The following DAB1 variants were observed in gnomAD, a reference collection of about 807,000 sequenced individuals.
DAB1 encodes the protein DAB adaptor protein 1.
Under a neutral mutation model 64.6 loss-of-function variants are expected in DAB1, and 15 were observed. That is an observed-to-expected ratio of 0.23 (90% CI 0.16 to 0.36). The LOEUF (loss-of-function observed/expected upper bound fraction) is 0.36. Among genes scored for constraint, DAB1 ranks in the 10% least tolerant of loss-of-function variants. The pLI is 1.00. For missense variants in DAB1, 596 were observed against 706.7 expected, an observed-to-expected ratio of 0.84 and a Z score of 1.78; for synonymous variants, 235 against 251.9, an observed-to-expected ratio of 0.93 and a Z score of 0.64.
intron 4 of DAB1, among the ~76,000 whole-genome samples, chr1:58,285,885 T>C (rs1661668374): frequency 6.6e-6 from 1 of 152,178 alleles, no homozygotes; most frequent in South Asian, 2.1e-4. Flanking sequence ...AGAGCAAAGC[T>C]GGAGGCACCA....
At chr1:57,168,056 T>C (rs1661369701) in intron 2 of DAB1, among the ~76,000 whole-genome samples, 2 of 152,184 alleles carry the variant, frequency 1.3e-5, no homozygotes, top group Non-Finnish European at 2.9e-5. Flanking sequence ...TTCTAAAATG[T>C]CGTAACAGTC....
At chr1:57,774,881 G>A (rs1025629207) in intron 6 of DAB1, among the ~76,000 whole-genome samples, 2 of 151,648 alleles carry the variant, frequency 1.3e-5, no homozygotes, top group Non-Finnish European at 3.0e-5. Context: ...ATTTGCTAAT[G>A]AGGCCATCTG....
At chr1:57,990,934 C>A (rs1646328488) in intron 5 of DAB1, among the ~76,000 whole-genome samples, 1 of 152,188 alleles carries the variant, frequency 6.6e-6, no homozygotes, top group Non-Finnish European at 1.5e-5. Flanking sequence ...GGAGTCATAG[C>A]ACTCTTCCAG....
At chr1:58,048,890 T>C in intron 5 of DAB1, 1 of 917,976 alleles carries the variant, frequency 1.1e-6, no homozygotes, top group Non-Finnish European at 1.8e-6. Context: ...CAGTCATGAT[T>C]TCAATCACTT....
At position 57,010,738 on chromosome 1, in the gene DAB1, C is replaced by T; in HGVS notation, c.1625G>A (p.Gly542Glu). 6.3e-7 allele frequency: 1 copy of T among 1,599,280 alleles called. No individual in the cohort carries two copies. Among genetic ancestry groups the T allele is most frequent in the Non-Finnish European group, 8.5e-7 (1 of 1,170,366 alleles). Residue 542 changes from glycine (G) to glutamate (E), a missense_variant, in exon 14 of 15, where the codon GGG becomes GAG. Coordinates refer to ENST00000371236, the MANE Select transcript of DAB1 (RefSeq NM_001365792.1). ...SNSDPFGEPS[G>E]EPSGDNISPQ... ...ACTTATATTATCACCACTGGGCTCC[C>T]CACTGGGCTCACCAAATGGATCACT...
At chr1:57,273,073 G>A (rs1671141675) in intron 2 of DAB1, among the ~76,000 whole-genome samples, 1 of 152,138 alleles carries the variant, frequency 6.6e-6, no homozygotes, top group Admixed American at 6.5e-5. Context: ...ACTTCTATTT[G>A]CACCACCTTT....
intron 1 of DAB1, among the ~76,000 whole-genome samples, chr1:57,347,439 A>G (rs1678205597): frequency 6.6e-6 from 1 of 152,190 alleles, no homozygotes; most frequent in Non-Finnish European, 1.5e-5. Context: ...CTAAGATTCT[A>G]ATGGTATGAA....
chr1:58,171,570 T>C (rs1211650044), intron 4 of DAB1, among the ~76,000 whole-genome samples: 1 of 152,228 alleles, frequency 6.6e-6, no homozygotes, highest in Non-Finnish European at 1.5e-5. Context: ...GTTCTGGACC[T>C]CAAGGATGCC....
chr1:57,687,312 A>G (rs547704025), intron 6 of DAB1, among the ~76,000 whole-genome samples: 12 of 152,094 alleles, frequency 7.9e-5, no homozygotes, highest in Admixed American at 3.3e-4. Context: ...AGTGGAAATA[A>G]CTAGGAATAC....
chr1:57,231,639 T>A (rs1400557869), intron 2 of DAB1, among the ~76,000 whole-genome samples: 1 of 152,224 alleles, frequency 6.6e-6, no homozygotes, highest in Non-Finnish European at 1.5e-5. Flanking sequence ...TATTATTAAC[T>A]GCATATTAAA....
chr1:58,127,313 T>C (rs954791520), intron 5 of DAB1, among the ~76,000 whole-genome samples: 1 of 152,178 alleles, frequency 6.6e-6, no homozygotes, highest in African/African-American at 2.4e-5. Context: ...GTTGTTTGTT[T>C]TTTTCCTGCA....
At chr1:57,712,709 T>C (rs1450018177) in intron 6 of DAB1, among the ~76,000 whole-genome samples, 1 of 152,130 alleles carries the variant, frequency 6.6e-6, no homozygotes, top group African/African-American at 2.4e-5. Context: ...TTTATTTGAA[T>C]TGTGAAGGAG....
chr1:57,360,987 A>T (rs1679501445), intron 1 of DAB1, among the ~76,000 whole-genome samples: 1 of 152,138 alleles, frequency 6.6e-6, no homozygotes, highest in South Asian at 2.1e-4. Flanking sequence ...GCAGCCTTCC[A>T]GAAATGTCCA....
intron 4 of DAB1, among the ~76,000 whole-genome samples, chr1:58,289,030 TA>T (rs1320875408): frequency 6.6e-6 from 1 of 152,192 alleles, no homozygotes; most frequent in African/African-American, 2.4e-5. Flanking sequence ...CACTTAGACA[TA>T]ATAATGCTAT....
At chr1:57,813,283 C>A (rs1004526794) in intron 6 of DAB1, among the ~76,000 whole-genome samples, 7 of 152,046 alleles carry the variant, frequency 4.6e-5, no homozygotes, top group Non-Finnish European at 7.4e-5. Flanking sequence ...TCTTAAGAAC[C>A]AATATAGAAC....
chr1:57,238,421 C>A (rs1172128228), intron 2 of DAB1, among the ~76,000 whole-genome samples: 3 of 152,208 alleles, frequency 2.0e-5, no homozygotes, highest in Non-Finnish European at 4.4e-5. Flanking sequence ...GTCATCCATA[C>A]AAAGACAATA....
chr1:57,086,683 AC>A (rs2100645507), intron 4 of DAB1, among the ~76,000 whole-genome samples: 1 of 144,342 alleles, frequency 6.9e-6, no homozygotes, highest in South Asian at 2.3e-4. Context: ...ACACACACAC[AC>A]ACATGAAAAA....
chr1:58,209,196 T>C (rs1557696487), intron 4 of DAB1, among the ~76,000 whole-genome samples: 1 of 152,130 alleles, frequency 6.6e-6, no homozygotes, highest in South Asian at 2.1e-4. Flanking sequence ...TGCTAGGAAA[T>C]GAGGCTACAG....
intron 7 of DAB1, among the ~76,000 whole-genome samples, chr1:57,481,648 C>T (rs1199699685): frequency 2.6e-5 from 4 of 152,042 alleles, no homozygotes; most frequent in East Asian, 1.9e-4. Flanking sequence ...GAAACCCTGT[C>T]TCTACTAAAA....
Sources: gnomAD v4.1 joint callset for allele counts (sites outside exome capture counted in the v4.1 genomes callset) on GRCh38, gnomAD v4.1.1 for gene constraint, MANE v1.5 for transcripts, NCBI Gene and HGNC (gene_info 2026-07-23, HGNC 2026-07-21) for gene names.